Variants in GCLM observed in about 807,000 individuals in gnomAD.
GCLM encodes glutamate--cysteine ligase regulatory subunit.
GCLM carries 15 observed loss-of-function variants against 36.0 expected under a neutral mutation model. The ratio of observed to expected loss-of-function variants is 0.42; its 90% CI spans 0.28 to 0.64. GCLM has a LOEUF of 0.64. Ranked by LOEUF, GCLM falls within the 30% of genes least tolerant of loss-of-function variation. The probability of loss-of-function intolerance (pLI) is 0.25; values close to 1 mark genes in which losing one functional copy is unlikely to be tolerated. For missense variants in GCLM, 242 were observed against 325.5 expected, an observed-to-expected ratio of 0.74 and a Z score of 1.97; for synonymous variants, 129 against 122.8, an observed-to-expected ratio of 1.05 and a Z score of -0.34.
At chr1:93,896,507 AAAAGTCACCCCGCAGGGGTGGCCACT>A in intron 5 of GCLM, 85 bp downstream of exon 5, 1 of 783,246 alleles carries the variant, frequency 1.3e-6, no homozygotes, top group Non-Finnish European at 2.2e-6. Flanking sequence ...CCACATGTGG[AAAAGTCACCCCGCAGGGGTGGCCACT>A]ATGTGCATGA....
chr1:93,888,360 A>G lies in GCLM; in HGVS notation c.*630T>C, dbSNP rs1051431424. 6.6e-6 allele frequency: 1 copy of G among 152,230 alleles called. No homozygotes were observed. Among genetic ancestry groups the G allele is most frequent in the Non-Finnish European group, 1.5e-5 (1 of 68,034 alleles). The allele number at this position is 152,230 out of a possible 1,614,324, so 9.4% of individuals were successfully genotyped here. A position where few individuals can be genotyped will look rare whatever the true frequency, so the allele number is the denominator to read the frequency against. ...TTACTTTGGTTTGTCTTTATAAGTA[A>G]TAAAAAGACAGAATATGGCACAAGA... is the stretch of plus-strand genomic sequence containing the variant. On this transcript the variant is annotated 3_prime_UTR_variant, in exon 7 of 7. Coordinates refer to ENST00000370238, the MANE Select transcript of GCLM (RefSeq NM_002061.4).
intron 3 of GCLM, among the ~76,000 whole-genome samples, chr1:93,900,213 C>G (rs954931994): frequency 6.6e-6 from 1 of 152,078 alleles, no homozygotes; most frequent in Non-Finnish European, 1.5e-5. Flanking sequence ...AAAGCCCCCC[C>G]CAATACTATT....
At position 93,888,897 on chromosome 1, in the gene GCLM, T is replaced by C; in HGVS notation, c.*93A>G. On this transcript the variant is annotated 3_prime_UTR_variant, in exon 7 of 7. Transcript: ENST00000370238. ...TATGACGAAAGAATATCTGCCTCAATGACACCATTTACAGGCAGTAACTAG... is the reference window on the plus strand; with the variant it reads ...TATGACGAAAGAATATCTGCCTCAACGACACCATTTACAGGCAGTAACTAG... 1.3e-6 allele frequency: 1 copy of C among 791,368 alleles called. No individual in the cohort carries two copies. The highest frequency in any genetic ancestry group is 2.1e-5 in the South Asian group (1 of 47,120). The allele number at this position is 791,368 out of a possible 1,614,324, so 49.0% of individuals were successfully genotyped here. A position where few individuals can be genotyped will look rare whatever the true frequency, so the allele number is the denominator to read the frequency against.
Position 93,888,836 on chromosome 1 carries a change from A to G in GCLM, c.*154T>C, listed in dbSNP as rs564854508. The G allele has an allele frequency of 1.4e-4, 69 of 480,700 alleles. 1 individual carries two copies. In the East Asian group the frequency reaches 2.3e-3, roughly 16 times the overall value. The allele number at this position is 480,700 out of a possible 1,614,324, so 29.8% of individuals were successfully genotyped here. A position where few individuals can be genotyped will look rare whatever the true frequency, so the allele number is the denominator to read the frequency against. On this transcript the variant is annotated 3_prime_UTR_variant, in exon 7 of 7. Coordinates refer to ENST00000370238, the MANE Select transcript of GCLM (RefSeq NM_002061.4). ...GAATGGATTGATATGGAGGCAAGATAAGTATTTAAAACTTGACAGACAACA... is the reference window on the plus strand; with the variant it reads ...GAATGGATTGATATGGAGGCAAGATGAGTATTTAAAACTTGACAGACAACA...
At chr1:93,899,946 C>CA (rs1322006522) in intron 3 of GCLM, among the ~76,000 whole-genome samples, 2 of 151,344 alleles carry the variant, frequency 1.3e-5, no homozygotes, top group Admixed American at 6.6e-5. Context: ...AGAAGAGCAA[C>CA]AAAAAAAATC....
At chr1:93,897,068 C>G (rs556040742) in intron 4 of GCLM, among the ~76,000 whole-genome samples, 1 of 152,202 alleles carries the variant, frequency 6.6e-6, no homozygotes, top group African/African-American at 2.4e-5. Context: ...TCCTAGGCAG[C>G]TTGCAGCTAC....
intron 2 of GCLM, 79 bp from the exon 3 acceptor site, chr1:93,901,748 T>C (rs577373058): frequency 1.3e-6 from 1 of 788,196 alleles, no homozygotes; most frequent in South Asian, 1.7e-5. Flanking sequence ...TTATCCATAA[T>C]GCCTTTTAGA....
chr1:93,907,540 T>A (rs765815646), intron 1 of GCLM, among the ~76,000 whole-genome samples: 1 of 152,202 alleles, frequency 6.6e-6, no homozygotes, highest in Non-Finnish European at 1.5e-5. Flanking sequence ...GAAACTCTTT[T>A]GAGTCACTAC....
At chr1:93,901,771 A>G (rs1425852702) in intron 2 of GCLM, 102 bp from the exon 3 acceptor site, 2 of 672,454 alleles carry the variant, frequency 3.0e-6, no homozygotes, top group Non-Finnish European at 5.1e-6. Flanking sequence ...CAGAGAACCT[A>G]TAAGACAACA....
At chr1:93,894,074 A>G (rs1482628665) in intron 6 of GCLM, among the ~76,000 whole-genome samples, 4 of 152,082 alleles carry the variant, frequency 2.6e-5, no homozygotes, top group Non-Finnish European at 4.4e-5. Context: ...CCTGGGTGAC[A>G]TGGTGAAACC....
intron 2 of GCLM, 150 bp from the exon 3 acceptor site, chr1:93,901,819 G>A: frequency 1.8e-6 from 1 of 552,366 alleles, no homozygotes. Context: ...CTTCACAAGG[G>A]TTGTAAAGCT....
rs181473429 is a variant in GCLM at position 93,890,433 on chromosome 1, A to G, written c.656-1274T>C. On this transcript the variant is annotated intron_variant, in intron 6 of 6. Coordinates refer to ENST00000370238, the MANE Select transcript of GCLM (RefSeq NM_002061.4). ...TCAGGAATGCCAAAAAAAGCCATAT[A>G]CACATAAATAATGCCCATTTTACAG... Among the ~76,000 whole-genome samples the G allele has an allele frequency of 1.5e-4, 23 of 152,334 alleles. No homozygotes were observed. In the East Asian group the frequency reaches 4.2e-3, roughly 28 times the overall value.
At position 93,896,889 on chromosome 1, in the gene GCLM, A is replaced by T; in HGVS notation, c.338-69T>A. ...AAAAACAAATATTTCTAATGTTTTC[A>T]AAGTATCCCACTGAATTCTGTCCAT... On this transcript the variant is annotated intron_variant, in intron 4 of 6. Coordinates refer to ENST00000370238, the MANE Select transcript of GCLM (RefSeq NM_002061.4). 3.5e-6 allele frequency: 3 copies of T among 864,728 alleles called. No homozygotes were observed. In the South Asian group the frequency reaches 4.2e-5, roughly 12 times the overall value. 53.6% of individuals were successfully genotyped at this position (864,728 alleles called of 1,614,324 possible). A position where few individuals can be genotyped will look rare whatever the true frequency, so the allele number is the denominator to read the frequency against.
At chr1:93,901,769 C>T in intron 2 of GCLM, 100 bp from the exon 3 acceptor site, 1 of 678,556 alleles carries the variant, frequency 1.5e-6, no homozygotes, top group East Asian at 2.8e-5. Flanking sequence ...ATCAGAGAAC[C>T]TATAAGACAA....
chr1:93,898,687 C>T lies in GCLM; in HGVS notation c.278-789G>A, dbSNP rs538617217. Among the ~76,000 whole-genome samples the T allele has an allele frequency of 3.9e-5, 6 of 151,920 alleles. 1 individual carries two copies. Among genetic ancestry groups the T allele is most frequent in the Admixed American group, 2.0e-4 (3 of 15,242 alleles). ...TCATCCAGGCTGGAGTGCAGTGGTG[C>T]GATCACGGCTCACTGCAGCATCAAC... On this transcript the variant is annotated intron_variant, in intron 3 of 6. Transcript: ENST00000370238.
At chr1:93,904,715 C>A in intron 1 of GCLM, 127 bp from the exon 2 acceptor site, 1 of 644,028 alleles carries the variant, frequency 1.6e-6, no homozygotes, top group Non-Finnish European at 2.7e-6. Context: ...CCATACAAAC[C>A]CCAATTTTAA....
intron 1 of GCLM, 25 bp from the exon 2 acceptor site, chr1:93,904,613 CT>C: frequency 1.4e-6 from 2 of 1,471,144 alleles, no homozygotes; most frequent in South Asian, 1.1e-5. Flanking sequence ...CATTTTGAAA[CT>C]GTTAATCAAA....
chr1:93,892,007 T>C (rs993297908), intron 6 of GCLM, among the ~76,000 whole-genome samples: 26 of 152,150 alleles, frequency 1.7e-4, no homozygotes, highest in Admixed American at 4.6e-4. Context: ...TTTTCATATA[T>C]AGAACACAAA....
intron 3 of GCLM, 140 bp from the exon 4 acceptor site, chr1:93,898,038 T>C (rs956085527): frequency 1.1e-5 from 5 of 452,272 alleles, no homozygotes; most frequent in African/African-American, 4.1e-5. Context: ...CATAACTTTA[T>C]AGTTTTAATT....
Sources: allele counts gnomAD v4.1 joint callset (sites outside exome capture counted in the v4.1 genomes callset), GRCh38; gene constraint gnomAD v4.1.1; transcripts MANE v1.5; gene names NCBI Gene and HGNC (gene_info 2026-07-23, HGNC 2026-07-21).